CDC123: variants seen among roughly 807,000 people sequenced by gnomAD.
CDC123 encodes cell division cycle 123, also known as translation initiation factor eIF2 assembly protein.
In CDC123, 37 loss-of-function variants were observed where a neutral mutation model predicts 54.4. That is an observed-to-expected ratio of 0.68 (90% CI 0.52 to 0.89). The LOEUF (loss-of-function observed/expected upper bound fraction) is 0.89, where lower values mean the gene tolerates loss of function less well. CDC123 is among the 40% of genes least tolerant of loss of function. The probability of loss-of-function intolerance (pLI) is 0.00; values close to 1 mark genes in which losing one functional copy is unlikely to be tolerated. For synonymous variants in CDC123, 144 were observed against 136.8 expected (o/e 1.05, Z -0.37); for missense variants, 361 against 412.1 (o/e 0.88, Z 1.07).
rs746717216 is a variant in CDC123, at chr10:12,250,530, A to T, written c.*193A>T. On this transcript the variant is annotated 3_prime_UTR_variant, in exon 13 of 13. Coordinates refer to ENST00000281141, the MANE Select transcript of CDC123 (RefSeq NM_006023.3). ...GCTACTTGTAAAAATAACATAATAA[A>T]TAGATCTTAAACATAGGAAAACCAT... 1 of 659,014 alleles carries T rather than the reference A, an allele frequency of 1.5e-6. No homozygotes were observed. The highest frequency in any genetic ancestry group is 1.7e-5 in the South Asian group (1 of 59,000). The allele number at this position is 659,014 out of a possible 1,614,324, so 40.8% of individuals were successfully genotyped here. A position where few individuals can be genotyped will look rare whatever the true frequency, so the allele number is the denominator to read the frequency against.
At chr10:12,229,211 A>G (rs1021711786) in intron 6 of CDC123, among the ~76,000 whole-genome samples, 2 of 152,204 alleles carry the variant, frequency 1.3e-5, no homozygotes, top group African/African-American at 4.8e-5. Flanking sequence ...CCATAGTGAT[A>G]TAGATGCGTT....
chr10:12,222,924 C>T (rs1418446897), intron 6 of CDC123, among the ~76,000 whole-genome samples: 1 of 151,244 alleles, frequency 6.6e-6, no homozygotes, highest in Non-Finnish European at 1.5e-5. Context: ...CGGAGTCTCG[C>T]TCTGTTGCCC....
In CDC123 at chr10:12,248,468, C is replaced by T. The variant is rs980956831; in HGVS notation, c.847-1113C>T. Among the ~76,000 whole-genome samples the T allele has an allele frequency of 4.0e-5, 6 of 148,780 alleles. No individual in the cohort carries two copies. The South Asian group carries it at 8.5e-4, about 21-fold the overall frequency. On this transcript the variant is annotated intron_variant, in intron 11 of 12. Transcript: ENST00000281141. ...ATGTTGCAGCAGTGAGCCAAGATCA[C>T]GCCATTGCACTCCAGCCTGGGTGAC...
chr10:12,237,805 T>C (rs548337907), intron 9 of CDC123, among the ~76,000 whole-genome samples: 15 of 152,170 alleles, frequency 9.9e-5, no homozygotes, highest in Non-Finnish European at 1.9e-4. Flanking sequence ...TTTTAGATGT[T>C]TGATTGTGTA....
intron 1 of CDC123, among the ~76,000 whole-genome samples, chr10:12,196,752 G>A (rs1258562618): frequency 6.6e-6 from 1 of 152,290 alleles, no homozygotes; most frequent in East Asian, 1.9e-4. Context: ...ACAGCATGGA[G>A]GCTATAGTTA....
At chr10:12,220,893 C>T (rs1368012806) in intron 6 of CDC123, among the ~76,000 whole-genome samples, 1 of 151,876 alleles carries the variant, frequency 6.6e-6, no homozygotes. Context: ...AGGAGAATGG[C>T]GTGAACCCGG....
intron 10 of CDC123, among the ~76,000 whole-genome samples, chr10:12,239,774 C>T (rs1029317675): frequency 2.7e-5 from 4 of 149,806 alleles, no homozygotes; most frequent in African/African-American, 9.8e-5. Context: ...TTTGGGAGGC[C>T]GAGACGGGCA....
rs141294653 is a variant in CDC123, at chr10:12,228,994, C to T, written c.441-1954C>T. Among the ~76,000 whole-genome samples, 15 of 152,306 alleles carry T rather than the reference C, an allele frequency of 9.8e-5. No individual in the cohort carries two copies. The East Asian group carries it at 2.1e-3, about 22-fold the overall frequency. The stretch of plus-strand genomic sequence containing the variant: ...CCTCCCAGAGTGCTGGGAGTACAGG[C>T]GTGAGCCACCGTGCCAGGTCTGCCC... On this transcript the variant is annotated intron_variant, in intron 6 of 12. Transcript: ENST00000281141.
chr10:12,198,306 T>C (rs935353974), intron 1 of CDC123, among the ~76,000 whole-genome samples: 1 of 152,208 alleles, frequency 6.6e-6, no homozygotes, highest in Non-Finnish European at 1.5e-5. Flanking sequence ...CTGCCCTCTA[T>C]CTTTAGAAGG....
intron 6 of CDC123, among the ~76,000 whole-genome samples, chr10:12,223,657 C>T (rs563604567): frequency 1.3e-5 from 2 of 152,262 alleles, no homozygotes; most frequent in Admixed American, 1.3e-4. Flanking sequence ...AATAAATATA[C>T]CTATTTATAG....
chr10:12,246,820 TC>T (rs1462129883), intron 11 of CDC123: 1 of 153,358 alleles, frequency 6.5e-6, no homozygotes, highest in Admixed American at 6.5e-5. Flanking sequence ...GTCCGTCCCT[TC>T]CTGAGTCTAA....
At chr10:12,224,584 A>G (rs970865606) in intron 6 of CDC123, among the ~76,000 whole-genome samples, 1 of 152,226 alleles carries the variant, frequency 6.6e-6, no homozygotes, top group Non-Finnish European at 1.5e-5. Context: ...TAGAGGGACT[A>G]TAATTATTCT....
At chr10:12,210,799 CA>C (rs1835587468) in intron 4 of CDC123, among the ~76,000 whole-genome samples, 1 of 152,172 alleles carries the variant, frequency 6.6e-6, no homozygotes, top group Admixed American at 6.5e-5. Flanking sequence ...CTCCCAGGTT[CA>C]AGCTATTCTC....
At chr10:12,225,495 C>G (rs962024170) in intron 6 of CDC123, among the ~76,000 whole-genome samples, 2 of 152,114 alleles carry the variant, frequency 1.3e-5, no homozygotes, top group African/African-American at 4.8e-5. Context: ...GAAAAATCAT[C>G]TCATTCCACT....
chr10:12,249,802 C>A, intron 12 of CDC123, 84 bp downstream of exon 12: 1 of 1,480,752 alleles, frequency 6.8e-7, no homozygotes, highest in Non-Finnish European at 9.0e-7. Context: ...TCATTGGAAT[C>A]CTGTATCACC....
At chr10:12,232,624 CACTT>C (rs1429898338) in intron 7 of CDC123, among the ~76,000 whole-genome samples, 13 of 152,116 alleles carry the variant, frequency 8.5e-5, no homozygotes, top group Admixed American at 2.0e-4. Flanking sequence ...TTTTTCCCCT[CACTT>C]AATAGCATAG....
intron 6 of CDC123, among the ~76,000 whole-genome samples, chr10:12,227,245 GGA>G (rs1189236298): frequency 4.0e-5 from 6 of 149,522 alleles, no homozygotes; most frequent in Non-Finnish European, 8.9e-5. Context: ...GGGAGACCGT[GGA>G]GAGAGAGGGA....
At chr10:12,228,872 G>T (rs559513984) in intron 6 of CDC123, among the ~76,000 whole-genome samples, 1 of 151,866 alleles carries the variant, frequency 6.6e-6, no homozygotes, top group Non-Finnish European at 1.5e-5. Flanking sequence ...GCCTGGCCAC[G>T]CCTGGCTAAT....
chr10:12,196,288 T>C lies in CDC123; in HGVS notation c.43T>C (p.Tyr15His). The C allele has an allele frequency of 6.2e-7, 1 of 1,613,894 alleles. No individual in the cohort carries two copies. Among genetic ancestry groups the C allele is most frequent in the South Asian group, 1.1e-5 (1 of 91,064 alleles). Residue 15 changes from tyrosine (Y) to histidine (H), a missense_variant, in exon 1 of 13, where the codon TAC becomes CAC. Physicochemically the swap from Tyr to His is moderately conservative, Grantham distance 83 (BLOSUM62 2). Coordinates refer to ENST00000281141, the MANE Select transcript of CDC123 (RefSeq NM_006023.3). ...HVLHCQFSAWYPFFRGVTIKS... is the reference protein window; with the variant it reads ...HVLHCQFSAWHPFFRGVTIKS... ...GCTTCACTGCCAGTTCTCCGCGTGG[T>C]ACCCGTTCTTCCGAGGCGTTACCAT...
Sources: gnomAD v4.1 joint callset for allele counts (sites outside exome capture counted in the v4.1 genomes callset) on GRCh38, gnomAD v4.1.1 for gene constraint, MANE v1.5 for transcripts, NCBI Gene and HGNC (gene_info 2026-07-23, HGNC 2026-07-21) for gene names.